PDE10A: variants seen among roughly 807,000 people sequenced by gnomAD.
PDE10A encodes the protein cAMP and cAMP-inhibited cGMP 3',5'-cyclic phosphodiesterase 10A.
Under a neutral mutation model 97.7 loss-of-function variants are expected in PDE10A, and 39 were observed. The ratio of observed to expected loss-of-function variants is 0.40; its 90% CI spans 0.31 to 0.52. The LOEUF (loss-of-function observed/expected upper bound fraction) is 0.52, where lower values mean the gene tolerates loss of function less well. Ranked by LOEUF, PDE10A falls within the 20% of genes least tolerant of loss-of-function variation. The pLI, the probability that PDE10A is intolerant of heterozygous loss-of-function variation, is 0.56. For synonymous variants in PDE10A, 371 were observed against 376.8 expected (o/e 0.98, Z 0.18); for missense variants, 731 against 1,047.8 (o/e 0.70, Z 4.17).
intron 10 of PDE10A, among the ~76,000 whole-genome samples, chr6:165,423,422 T>G (rs1788864232): frequency 1.3e-5 from 2 of 152,196 alleles, no homozygotes; most frequent in Non-Finnish European, 2.9e-5. Flanking sequence ...CAGGTATGTT[T>G]GTTGGTTACG....
intron 1 of PDE10A, among the ~76,000 whole-genome samples, chr6:165,861,037 C>T (rs1280263040): frequency 1.3e-5 from 2 of 152,180 alleles, no homozygotes; most frequent in Non-Finnish European, 2.9e-5. Context: ...TCAACATAGA[C>T]TGGGCTTTGA....
chr6:165,959,999 G>T (rs1252452344), intron 1 of PDE10A, among the ~76,000 whole-genome samples: 2 of 152,152 alleles, frequency 1.3e-5, no homozygotes, highest in Admixed American at 6.5e-5. Context: ...TCCAGCAAAA[G>T]ATTAGCCACT....
intron 2 of PDE10A, among the ~76,000 whole-genome samples, chr6:165,489,543 T>C (rs537087711): frequency 6.6e-6 from 1 of 152,276 alleles, no homozygotes; most frequent in African/African-American, 2.4e-5. Flanking sequence ...AACAAGGTTC[T>C]TTAACACCCC....
intron 1 of PDE10A, among the ~76,000 whole-genome samples, chr6:165,919,301 GC>G (rs1782689866): frequency 6.6e-6 from 1 of 152,226 alleles, no homozygotes; most frequent in East Asian, 1.9e-4. Flanking sequence ...ACCTCACTGG[GC>G]CCACCACATG....
At chr6:165,946,192 A>G (rs571821140) in intron 1 of PDE10A, among the ~76,000 whole-genome samples, 1 of 152,314 alleles carries the variant, frequency 6.6e-6, no homozygotes, top group South Asian at 2.1e-4. Context: ...CATAGTGACT[A>G]TAGTTAATAA....
At chr6:165,603,584 T>TC (rs1246886096) in intron 1 of PDE10A, among the ~76,000 whole-genome samples, 1 of 152,184 alleles carries the variant, frequency 6.6e-6, no homozygotes, top group African/African-American at 2.4e-5. Context: ...TTTAAGTCTC[T>TC]CCTAAGTGGC....
At chr6:165,389,346 A>G (rs1339519486) in intron 16 of PDE10A, among the ~76,000 whole-genome samples, 2 of 152,238 alleles carry the variant, frequency 1.3e-5, no homozygotes, top group Non-Finnish European at 2.9e-5. Context: ...TAATTGAGGC[A>G]AAATGTAATA....
At chr6:165,777,068 G>A (rs749794678) in intron 1 of PDE10A, among the ~76,000 whole-genome samples, 33 of 152,120 alleles carry the variant, frequency 2.2e-4, no homozygotes, top group Non-Finnish European at 3.8e-4. Flanking sequence ...GCTTCCCTGC[G>A]ATCTTCAAAG....
intron 1 of PDE10A, among the ~76,000 whole-genome samples, chr6:165,564,417 G>A (rs1355332090): frequency 1.3e-5 from 2 of 150,366 alleles, no homozygotes; most frequent in Admixed American, 6.6e-5. Context: ...AGACAACAAC[G>A]AAATGTTGTT....
In PDE10A at chr6:165,508,120, G is replaced by C. The variant is rs151054629; in HGVS notation, c.995-25777C>G. ...ACAAAACGACACGTACATATTTAAA[G>C]TTAAAAGGTTGCAAAGTTCACATAC... On this transcript the variant is annotated intron_variant, in intron 2 of 21. Transcript: ENST00000539869. 4.7e-3 allele frequency among the ~76,000 whole-genome samples: 710 copies of C among 152,100 alleles called. 6 individuals are homozygous for C. The highest frequency in any genetic ancestry group is 0.016 in the African/African-American group (663 of 41,518).
intron 1 of PDE10A, among the ~76,000 whole-genome samples, chr6:165,648,319 T>C (rs1463024909): frequency 2.0e-5 from 3 of 152,110 alleles, no homozygotes; most frequent in Admixed American, 1.3e-4. Context: ...GCCTTACATA[T>C]GCATTTCTTA....
chr6:165,906,140 T>C (rs1448590395), intron 1 of PDE10A, among the ~76,000 whole-genome samples: 3 of 137,078 alleles, frequency 2.2e-5, no homozygotes, highest in African/African-American at 8.2e-5. Flanking sequence ...TTTCCCCACA[T>C]GAGACTGGTG....
Position 165,503,069 on chromosome 6 carries a change from T to C in PDE10A, c.995-20726A>G, listed in dbSNP as rs565628834. On this transcript the variant is annotated intron_variant, in intron 2 of 21. Coordinates refer to ENST00000539869, the MANE Select transcript of PDE10A (RefSeq NM_001385079.1). ...GTCTTCTCCATAGGCTTGAACTCGA[T>C]GTGACGCAAGCCCCACCATTTCTTT... is the stretch of plus-strand genomic sequence containing the variant. 2.0e-5 allele frequency among the ~76,000 whole-genome samples: 3 copies of C among 152,312 alleles called. No homozygotes were observed. The East Asian group carries it at 5.8e-4, about 29-fold the overall frequency.
intron 1 of PDE10A, among the ~76,000 whole-genome samples, chr6:165,877,966 C>A (rs571445522): frequency 1.5e-3 from 227 of 152,278 alleles, no homozygotes; most frequent in African/African-American, 5.4e-3. Context: ...GATAAAAACA[C>A]GGGTCTTTCC....
At chr6:165,928,550 G>T (rs1783019098) in intron 1 of PDE10A, among the ~76,000 whole-genome samples, 1 of 152,222 alleles carries the variant, frequency 6.6e-6, no homozygotes, top group Admixed American at 6.5e-5. Context: ...CATCTGGAAT[G>T]ACAAAATAGC....
chr6:165,693,470 G>A (rs763244449), intron 1 of PDE10A, among the ~76,000 whole-genome samples: 11 of 136,842 alleles, frequency 8.0e-5, no homozygotes, highest in Non-Finnish European at 1.4e-4. Flanking sequence ...GGCAGAGGTT[G>A]CAGTGAGCTG....
chr6:165,891,643 C>T (rs943991472), intron 1 of PDE10A, among the ~76,000 whole-genome samples: 5 of 151,964 alleles, frequency 3.3e-5, no homozygotes, highest in East Asian at 1.9e-4. Context: ...TCCAGGCTGC[C>T]GTAGGAGACT....
chr6:165,435,421 GC>G, intron 5 of PDE10A, 44 bp from the exon 6 acceptor site: 1 of 1,553,408 alleles, frequency 6.4e-7, no homozygotes, highest in Non-Finnish European at 8.8e-7. Flanking sequence ...CTGTACATGT[GC>G]ATAGTACAAA....
At chr6:165,961,712 G>T (rs935370872) in intron 1 of PDE10A, among the ~76,000 whole-genome samples, 1 of 152,186 alleles carries the variant, frequency 6.6e-6, no homozygotes, top group African/African-American at 2.4e-5. Flanking sequence ...GTACAGTATG[G>T]TGTCATCTCA....
Sources: allele counts gnomAD v4.1 joint callset (sites outside exome capture counted in the v4.1 genomes callset), GRCh38; gene constraint gnomAD v4.1.1; transcripts MANE v1.5; gene names NCBI Gene and HGNC (gene_info 2026-07-23, HGNC 2026-07-21).